The following ACTA2 variants were observed in gnomAD, a reference collection of about 807,000 sequenced individuals.
The protein encoded by ACTA2 is actin alpha 2, smooth muscle, also known as actin, aortic smooth muscle.
In ACTA2, 12 loss-of-function variants were observed where a neutral mutation model predicts 39.5. The ratio of observed to expected loss-of-function variants is 0.30; its 90% CI spans 0.19 to 0.49. The LOEUF (loss-of-function observed/expected upper bound fraction) is 0.49, where lower values mean the gene tolerates loss of function less well. Ranked by LOEUF, ACTA2 falls within the 20% of genes least tolerant of loss-of-function variation. The pLI, the probability that ACTA2 is intolerant of heterozygous loss-of-function variation, is 0.99. For missense variants in ACTA2, 236 were observed against 498.8 expected (o/e 0.47, Z 5.02); for synonymous variants, 158 against 180.6 (o/e 0.88, Z 1.00).
chr10:88,972,354 G>C (rs1195869861), intron 1 of ACTA2, among the ~76,000 whole-genome samples: 1 of 152,202 alleles, frequency 6.6e-6, no homozygotes, highest in Admixed American at 6.5e-5. Context: ...ATTTGTAATA[G>C]TAATTGATGT....
upstream of ACTA2, among the ~76,000 whole-genome samples, chr10:88,954,778 A>T (rs578192497): frequency 6.6e-6 from 1 of 152,192 alleles, no homozygotes; most frequent in Non-Finnish European, 1.5e-5. Context: ...GACACTAACC[A>T]GGAAAGACTT....
chr10:88,961,428 G>T (rs907135053), intron 1 of ACTA2, among the ~76,000 whole-genome samples: 1 of 152,184 alleles, frequency 6.6e-6, no homozygotes, highest in Non-Finnish European at 1.5e-5. Context: ...GATATAGTAT[G>T]AGTGACACCT....
intron 1 of ACTA2, among the ~76,000 whole-genome samples, chr10:88,982,591 A>C (rs1419313192): frequency 6.6e-6 from 1 of 152,224 alleles, no homozygotes; most frequent in Non-Finnish European, 1.5e-5. Flanking sequence ...TGAGGGAGTC[A>C]GCAGGCTTCT....
At chr10:88,946,275 CT>C (rs35702314) in intron 3 of ACTA2, among the ~76,000 whole-genome samples, 275 of 117,058 alleles carry the variant, frequency 2.3e-3, no homozygotes, top group Middle Eastern at 4.5e-3. Flanking sequence ...TTAATTAAAC[CT>C]TTTTTTTTTT....
Position 88,935,142 on chromosome 10 carries a change from G to T in ACTA2, c.*81C>A. The T allele has an allele frequency of 3.2e-6, 5 of 1,578,844 alleles. No homozygotes were observed. The highest frequency in any genetic ancestry group is 4.3e-6 in the Non-Finnish European group (5 of 1,151,908). On this transcript the variant is annotated 3_prime_UTR_variant, in exon 9 of 9. Transcript: ENST00000224784. ...ACGAGTCAGAGCTTTGGCTAGGAATGATTTGGAAAAGAACTGAAGGCATAA... is the reference window on the plus strand; with the variant it reads ...ACGAGTCAGAGCTTTGGCTAGGAATTATTTGGAAAAGAACTGAAGGCATAA...
chr10:88,955,030 AAAAG>A (rs1251942919), upstream of ACTA2, among the ~76,000 whole-genome samples: 3 of 151,586 alleles, frequency 2.0e-5, no homozygotes, highest in East Asian at 1.9e-4. Flanking sequence ...AAAAAAAAAA[AAAAG>A]AAGAAGAAGG....
intron 1 of ACTA2, among the ~76,000 whole-genome samples, chr10:88,978,941 A>G (rs1846641763): frequency 6.6e-6 from 1 of 151,622 alleles, no homozygotes; most frequent in African/African-American, 2.4e-5. Context: ...TTCATCAAGA[A>G]TTTACTGTTT....
intron 1 of ACTA2, among the ~76,000 whole-genome samples, chr10:88,963,476 T>C (rs1020022972): frequency 1.3e-5 from 2 of 152,058 alleles, no homozygotes; most frequent in African/African-American, 2.4e-5. Flanking sequence ...ATTTTAAATT[T>C]TTTACACTCA....
At chr10:88,988,090 C>T (rs3758485) in intron 1 of ACTA2, among the ~76,000 whole-genome samples, 53,569 of 152,078 alleles carry the variant, frequency 0.35, 10,214 homozygotes, top group East Asian at 0.52. Context: ...TCTACAATCA[C>T]GTGAGCCAAC....
intron 1 of ACTA2, among the ~76,000 whole-genome samples, chr10:88,982,229 G>T (rs570905126): frequency 6.6e-6 from 1 of 152,242 alleles, no homozygotes; most frequent in Admixed American, 6.5e-5. Context: ...TACCTCCCAA[G>T]ATTTTTATGA....
At chr10:88,989,037 T>C (rs911894018) in intron 1 of ACTA2, among the ~76,000 whole-genome samples, 7 of 152,190 alleles carry the variant, frequency 4.6e-5, no homozygotes, top group African/African-American at 1.4e-4. Flanking sequence ...AGCAAGAATA[T>C]CTAAGTTTAA....
At chr10:88,953,842 G>C (rs1168462753), upstream of ACTA2, among the ~76,000 whole-genome samples, 1 of 152,152 alleles carries the variant, frequency 6.6e-6, no homozygotes, top group Non-Finnish European at 1.5e-5. Flanking sequence ...TGCCATGTAA[G>C]ACACGCCTCT....
intron 1 of ACTA2, chr10:88,973,301 T>TG (rs779667991): frequency 1.2e-6 from 2 of 1,610,398 alleles, no homozygotes; most frequent in Non-Finnish European, 1.7e-6. Context: ...CATCACCATC[T>TG]GAACAGCTCT....
At chr10:88,975,321 G>A (rs939099723) in intron 1 of ACTA2, among the ~76,000 whole-genome samples, 2 of 152,230 alleles carry the variant, frequency 1.3e-5, no homozygotes, top group Non-Finnish European at 2.9e-5. Flanking sequence ...AGAGCAGCGT[G>A]TGCATTTGAA....
At chr10:88,989,274 C>T (rs1847025157) in intron 1 of ACTA2, among the ~76,000 whole-genome samples, 1 of 151,978 alleles carries the variant, frequency 6.6e-6, no homozygotes, top group African/African-American at 2.4e-5. Context: ...TTCTCTCTTC[C>T]CTCCTTCCAT....
At chr10:88,976,160 G>A (rs1197053233) in intron 1 of ACTA2, among the ~76,000 whole-genome samples, 1 of 151,902 alleles carries the variant, frequency 6.6e-6, no homozygotes, top group African/African-American at 2.4e-5. Context: ...GAATTGTCTT[G>A]GGCCACACAT....
Position 88,976,388 on chromosome 10 carries a change from A to T in ACTA2, c.-24+14551T>A, listed in dbSNP as rs76297818. 7.2e-3 allele frequency among the ~76,000 whole-genome samples: 1,099 copies of T among 152,330 alleles called. 22 individuals carry two copies. In the East Asian group the frequency reaches 0.1, roughly 14 times the overall value. On this transcript the variant is annotated intron_variant, in intron 1 of 4. Coordinates refer to the ACTA2 transcript ENST00000415557. ...CACAAATGCCAGAGTAAACAAGGGG[A>T]AACTATTTAGTCTCTAACAAAAGGA...
At chr10:88,958,525 C>T (rs11202911) in intron 1 of ACTA2, among the ~76,000 whole-genome samples, 13,806 of 152,152 alleles carry the variant, frequency 0.091, 2,024 homozygotes, top group African/African-American at 0.31. Context: ...ACCCATCTGA[C>T]ACCAGAAATT....
upstream of ACTA2, among the ~76,000 whole-genome samples, chr10:88,954,511 G>A (rs1419651641): frequency 6.6e-6 from 1 of 152,154 alleles, no homozygotes; most frequent in Non-Finnish European, 1.5e-5. Flanking sequence ...AATTTGAGTA[G>A]AGGAAGGATT....
Sources: gnomAD v4.1 joint callset for allele counts (sites outside exome capture counted in the v4.1 genomes callset) on GRCh38, gnomAD v4.1.1 for gene constraint, MANE v1.5 for transcripts, NCBI Gene and HGNC (gene_info 2026-07-23, HGNC 2026-07-21) for gene names.